The following LDLRAD4 variants were observed in gnomAD, a reference collection of about 807,000 sequenced individuals.
LDLRAD4 encodes the protein low-density lipoprotein receptor class A domain-containing protein 4.
LDLRAD4 carries 5 observed loss-of-function variants against 17.0 expected under a neutral mutation model. The observed-to-expected ratio is 0.29, with a 90% CI of 0.15 to 0.62. The LOEUF is 0.62. Ranked by LOEUF, LDLRAD4 falls within the 20% of genes least tolerant of loss-of-function variation. The pLI, the probability that LDLRAD4 is intolerant of heterozygous loss-of-function variation, is 0.84. For missense variants in LDLRAD4, 340 were observed against 424.7 expected, an observed-to-expected ratio of 0.80 and a Z score of 1.75; for synonymous variants, 168 against 171.8, an observed-to-expected ratio of 0.98 and a Z score of 0.17.
chr18:13,271,242 A>T (rs940245140), intron 1 of LDLRAD4, among the ~76,000 whole-genome samples: 1 of 152,250 alleles, frequency 6.6e-6, no homozygotes, highest in African/African-American at 2.4e-5. Flanking sequence ...TGAGACTCTA[A>T]TGAGGGTTAG....
chr18:13,615,506 G>C (rs1184393352), intron 3 of LDLRAD4: 1 of 152,226 alleles, frequency 6.6e-6, no homozygotes, highest in African/African-American at 2.4e-5. Flanking sequence ...AGACACTCAT[G>C]CCTCTAGTAT....
At chr18:13,557,592 G>A (rs180842733) in intron 3 of LDLRAD4, among the ~76,000 whole-genome samples, 1 of 152,248 alleles carries the variant, frequency 6.6e-6, no homozygotes, top group Admixed American at 6.5e-5. Context: ...AGTAGAGATG[G>A]GGTTTCACCG....
chr18:13,411,176 T>C (rs1348435451), intron 2 of LDLRAD4, among the ~76,000 whole-genome samples: 1 of 150,906 alleles, frequency 6.6e-6, no homozygotes, highest in African/African-American at 2.4e-5. Flanking sequence ...CACCTGAGTC[T>C]GGGAGGTGAA....
intron 1 of LDLRAD4, among the ~76,000 whole-genome samples, chr18:13,379,980 G>A (rs1429277154): frequency 7.0e-6 from 1 of 143,504 alleles, no homozygotes; most frequent in Non-Finnish European, 1.6e-5. Flanking sequence ...CTGCCCGCCA[G>A]CCCCCTGCCC....
intron 3 of LDLRAD4, among the ~76,000 whole-genome samples, chr18:13,513,278 A>T: frequency 6.6e-6 from 1 of 152,308 alleles, no homozygotes; most frequent in South Asian, 2.1e-4. Flanking sequence ...AGGCTTACAG[A>T]CAGCCTAGTA....
intron 3 of LDLRAD4, among the ~76,000 whole-genome samples, chr18:13,579,591 T>G (rs2094827308): frequency 6.6e-6 from 1 of 152,196 alleles, no homozygotes; most frequent in Non-Finnish European, 1.5e-5. Context: ...GCCAATGTAG[T>G]TAAAGTCTTC....
chr18:13,579,829 C>CGGCT (rs2094831326), intron 3 of LDLRAD4, among the ~76,000 whole-genome samples: 1 of 152,128 alleles, frequency 6.6e-6, no homozygotes, highest in African/African-American at 2.4e-5. Context: ...TCTGAGTAGC[C>CGGCT]GACTTCTATC....
chr18:13,387,639 G>C (rs1599849834), exon 2 of LDLRAD4: 2 of 1,261,754 alleles, frequency 1.6e-6, no homozygotes, highest in East Asian at 4.6e-5. Flanking sequence ...GACAGGCTAA[G>C]ATGGAAGTGA....
chr18:13,388,762 A>G (rs2086030019), intron 2 of LDLRAD4, among the ~76,000 whole-genome samples: 1 of 152,168 alleles, frequency 6.6e-6, no homozygotes, highest in South Asian at 2.1e-4. Context: ...GAAGAGATGG[A>G]GCGCCGCTGT....
chr18:13,328,791 A>G (rs1396632604), intron 1 of LDLRAD4, among the ~76,000 whole-genome samples: 1 of 152,228 alleles, frequency 6.6e-6, no homozygotes. Context: ...TCCTATGCCT[A>G]TTCTCCATCC....
intron 4 of LDLRAD4, among the ~76,000 whole-genome samples, chr18:13,623,041 C>G (rs183061526): frequency 3.3e-5 from 5 of 152,330 alleles, no homozygotes; most frequent in Non-Finnish European, 5.9e-5. Flanking sequence ...TGGTGCAGAC[C>G]CAGCCCCGCT....
At chr18:13,293,423 C>G (rs967800431) in intron 1 of LDLRAD4, among the ~76,000 whole-genome samples, 1 of 152,164 alleles carries the variant, frequency 6.6e-6, no homozygotes, top group African/African-American at 2.4e-5. Context: ...TGAACAGATA[C>G]CGAAATTATT....
intron 3 of LDLRAD4, among the ~76,000 whole-genome samples, chr18:13,610,889 C>G (rs1310304991): frequency 2.6e-5 from 4 of 152,184 alleles, no homozygotes; most frequent in Non-Finnish European, 5.9e-5. Flanking sequence ...GAGGGGAGTT[C>G]CATTTTTAAT....
intron 1 of LDLRAD4, among the ~76,000 whole-genome samples, chr18:13,385,839 G>T (rs1171116272): frequency 6.6e-6 from 1 of 152,120 alleles, no homozygotes; most frequent in Non-Finnish European, 1.5e-5. Context: ...GCACTTCAAA[G>T]CTACCATTTA....
chr18:13,382,951 A>G (rs770511784), intron 1 of LDLRAD4, among the ~76,000 whole-genome samples: 2 of 152,232 alleles, frequency 1.3e-5, no homozygotes, highest in Non-Finnish European at 2.9e-5. Context: ...ATTTAAGTCA[A>G]TGACCTCTGA....
At chr18:13,564,704 C>CG (rs879739925) in intron 3 of LDLRAD4, among the ~76,000 whole-genome samples, 49 of 152,066 alleles carry the variant, frequency 3.2e-4, no homozygotes, top group Non-Finnish European at 5.9e-4. Flanking sequence ...GCTGCCGCCC[C>CG]CCTTCCTCCT....
intron 3 of LDLRAD4, among the ~76,000 whole-genome samples, chr18:13,445,329 G>A (rs2091313716): frequency 6.6e-6 from 1 of 152,160 alleles, no homozygotes; most frequent in African/African-American, 2.4e-5. Context: ...GTGTGAGAAT[G>A]TGTAGTTGTG....
intron 1 of LDLRAD4, among the ~76,000 whole-genome samples, chr18:13,372,903 C>T (rs1267611243): frequency 6.6e-6 from 1 of 152,204 alleles, no homozygotes; most frequent in African/African-American, 2.4e-5. Context: ...TGTGCAGAAC[C>T]GTTCACCATC....
chr18:13,364,138 G>A (rs973407979), intron 1 of LDLRAD4, among the ~76,000 whole-genome samples: 4 of 152,122 alleles, frequency 2.6e-5, no homozygotes, highest in African/African-American at 7.2e-5. Flanking sequence ...ACATGATACC[G>A]TTTTTGGCAA....
Sources: allele counts gnomAD v4.1 joint callset (sites outside exome capture counted in the v4.1 genomes callset), GRCh38; gene constraint gnomAD v4.1.1; transcripts MANE v1.5; gene names NCBI Gene and HGNC (gene_info 2026-07-23, HGNC 2026-07-21).